SDK1: variants seen among roughly 807,000 people sequenced by gnomAD.
SDK1 encodes the protein sidekick cell adhesion molecule 1, also known as protein sidekick-1.
In SDK1, 157 loss-of-function variants were observed where a neutral mutation model predicts 245.5. That is an observed-to-expected ratio of 0.64 (90% CI 0.56 to 0.73). The LOEUF (loss-of-function observed/expected upper bound fraction) is 0.73. Among genes scored for constraint, SDK1 ranks in the 30% least tolerant of loss-of-function variants. The pLI is 0.00. For synonymous variants in SDK1, 1,647 were observed against 1,278.5 expected, an observed-to-expected ratio of 1.29 and a Z score of -6.15; for missense variants, 3,583 against 3,002.3, an observed-to-expected ratio of 1.19 and a Z score of -4.52.
chr7:3,564,023 A>G (rs983309966), intron 1 of SDK1, among the ~76,000 whole-genome samples: 16 of 152,134 alleles, frequency 1.1e-4, no homozygotes, highest in Non-Finnish European at 1.5e-5. Context: ...GACATTTCAG[A>G]TTTGTAGGAT....
At chr7:3,979,872 G>A (rs1226129685) in intron 13 of SDK1, among the ~76,000 whole-genome samples, 1 of 152,170 alleles carries the variant, frequency 6.6e-6, no homozygotes, top group Non-Finnish European at 1.5e-5. Context: ...GACCCAATTA[G>A]CATTTCATCT....
At chr7:3,884,785 C>G (rs1199193772) in intron 5 of SDK1, among the ~76,000 whole-genome samples, 1 of 152,180 alleles carries the variant, frequency 6.6e-6, no homozygotes, top group African/African-American at 2.4e-5. Flanking sequence ...TCTGGTGTGG[C>G]TCCTTCCAAC....
intron 38 of SDK1, among the ~76,000 whole-genome samples, chr7:4,216,085 A>G (rs571247477): frequency 1.4e-3 from 217 of 152,300 alleles, no homozygotes; most frequent in African/African-American, 5.0e-3. Flanking sequence ...TCATCCTGGC[A>G]GCTGCTCTCT....
At chr7:3,766,085 C>G (rs1780244526) in intron 4 of SDK1, among the ~76,000 whole-genome samples, 1 of 152,152 alleles carries the variant, frequency 6.6e-6, no homozygotes, top group South Asian at 2.1e-4. Context: ...GATGACATTT[C>G]TGGCCGGTTG....
At chr7:4,247,669 G>A (rs1385299985) in intron 44 of SDK1, among the ~76,000 whole-genome samples, 1 of 152,210 alleles carries the variant, frequency 6.6e-6, no homozygotes, top group East Asian at 1.9e-4. Context: ...GCTGTGGGTG[G>A]TTCCTGTGTG....
chr7:3,711,478 C>A (rs1562388526), intron 4 of SDK1, among the ~76,000 whole-genome samples: 1 of 152,072 alleles, frequency 6.6e-6, no homozygotes, highest in African/African-American at 2.4e-5. Context: ...TGACTCAGGT[C>A]ATGGAGGTGA....
Position 4,245,814 on chromosome 7 carries a change from C to T in SDK1, c.6381+9C>T, listed in dbSNP as rs562789978. Reference sequence around the variant, plus strand: ...ATGCATCAGAATCTGAGGTCAGTGTCGGTGCCTACTTCCGGGCAGTGACCA... The same window carrying T: ...ATGCATCAGAATCTGAGGTCAGTGTTGGTGCCTACTTCCGGGCAGTGACCA... On this transcript the variant is annotated intron_variant, in intron 44 of 44. Transcript: ENST00000404826. The T allele has an allele frequency of 1.5e-5, 24 of 1,613,434 alleles. No homozygotes were observed. Among genetic ancestry groups the T allele is most frequent in the Middle Eastern group, 1.6e-4 (1 of 6,080 alleles).
chr7:3,661,695 T>C (rs1783361382), intron 4 of SDK1, among the ~76,000 whole-genome samples: 2 of 152,180 alleles, frequency 1.3e-5, no homozygotes, highest in South Asian at 4.1e-4. Context: ...CAGGAATATA[T>C]ATGATTTGGA....
At chr7:3,904,314 G>A (rs1781891328) in intron 5 of SDK1, among the ~76,000 whole-genome samples, 1 of 152,188 alleles carries the variant, frequency 6.6e-6, no homozygotes, top group African/African-American at 2.4e-5. Flanking sequence ...GAGTGCTGAA[G>A]AGTATAGGAT....
At chr7:3,503,880 G>A (rs552693289) in intron 1 of SDK1, among the ~76,000 whole-genome samples, 66 of 152,202 alleles carry the variant, frequency 4.3e-4, no homozygotes, top group Non-Finnish European at 7.9e-4. Context: ...GGCAAGGCAT[G>A]GTGGCTCATG....
chr7:3,426,759 C>A (rs1583840147), intron 1 of SDK1, among the ~76,000 whole-genome samples: 1 of 152,192 alleles, frequency 6.6e-6, no homozygotes, highest in Admixed American at 6.5e-5. Context: ...TAAATTAATT[C>A]CGTTTATTCT....
intron 4 of SDK1, among the ~76,000 whole-genome samples, chr7:3,743,826 A>G (rs1284662876): frequency 2.0e-5 from 3 of 152,134 alleles, no homozygotes; most frequent in Non-Finnish European, 4.4e-5. Context: ...TGAAAGGGCG[A>G]TGCCTGGACC....
chr7:3,577,861 C>G (rs1015502939), intron 1 of SDK1, among the ~76,000 whole-genome samples: 1 of 151,970 alleles, frequency 6.6e-6, no homozygotes, highest in African/African-American at 2.4e-5. Context: ...CCTGGCAGCT[C>G]CTGTCATGTC....
intron 1 of SDK1, among the ~76,000 whole-genome samples, chr7:3,592,648 A>G (rs1393097285): frequency 6.6e-6 from 1 of 152,168 alleles, no homozygotes; most frequent in East Asian, 1.9e-4. Flanking sequence ...GCTACCAGAC[A>G]TTCGTTTCCA....
intron 1 of SDK1, among the ~76,000 whole-genome samples, chr7:3,486,073 C>T (rs559579405): frequency 6.6e-6 from 1 of 151,992 alleles, no homozygotes; most frequent in African/African-American, 2.4e-5. Flanking sequence ...ATCATCTATG[C>T]TTAGTGCTTT....
intron 4 of SDK1, among the ~76,000 whole-genome samples, chr7:3,811,772 G>A (rs938369999): frequency 2.0e-5 from 3 of 152,190 alleles, no homozygotes; most frequent in Non-Finnish European, 2.9e-5. Flanking sequence ...CAGCAGGGAT[G>A]GCATTTCCTC....
intron 5 of SDK1, among the ~76,000 whole-genome samples, chr7:3,918,642 T>G (rs73294682): frequency 0.022 from 3,333 of 152,302 alleles, 122 homozygotes; most frequent in African/African-American, 0.075. Flanking sequence ...ACTTGAATCA[T>G]CCTGAAACCA....
intron 1 of SDK1, among the ~76,000 whole-genome samples, chr7:3,584,943 C>G (rs1480074759): frequency 2.0e-5 from 3 of 151,994 alleles, no homozygotes; most frequent in Non-Finnish European, 4.4e-5. Flanking sequence ...CCAGGATGGT[C>G]CCGATCTCCT....
intron 1 of SDK1, among the ~76,000 whole-genome samples, chr7:3,436,033 T>G (rs1780011910): frequency 1.3e-5 from 2 of 152,230 alleles, no homozygotes; most frequent in Non-Finnish European, 2.9e-5. Flanking sequence ...TATCATGTGA[T>G]TTGCATGATA....
Sources: gnomAD v4.1 joint callset for allele counts (sites outside exome capture counted in the v4.1 genomes callset) on GRCh38, gnomAD v4.1.1 for gene constraint, MANE v1.5 for transcripts, NCBI Gene and HGNC (gene_info 2026-07-23, HGNC 2026-07-21) for gene names.